OPCML: variants seen among roughly 807,000 people sequenced by gnomAD.
The protein encoded by OPCML is opioid-binding protein/cell adhesion molecule.
Under a neutral mutation model 37.8 loss-of-function variants are expected in OPCML, and 13 were observed. The ratio of observed to expected loss-of-function variants is 0.34; its 90% CI spans 0.22 to 0.55. OPCML has a LOEUF of 0.55. Ranked by LOEUF, OPCML falls within the 20% of genes least tolerant of loss-of-function variation. The pLI is 0.91. For missense variants in OPCML, 341 were observed against 435.6 expected (o/e 0.78, Z 1.93); for synonymous variants, 176 against 168.8 (o/e 1.04, Z -0.33).
intron 2 of OPCML, among the ~76,000 whole-genome samples, chr11:132,845,017 T>C (rs868789991): frequency 1.3e-5 from 2 of 152,026 alleles, no homozygotes; most frequent in Non-Finnish European, 2.9e-5. Flanking sequence ...CATAACTGTA[T>C]GGATAGCAAA....
chr11:132,776,563 G>A (rs11223197), intron 2 of OPCML, among the ~76,000 whole-genome samples: 3 of 151,820 alleles, frequency 2.0e-5, no homozygotes, highest in Non-Finnish European at 2.9e-5. Flanking sequence ...AAAGAATGTA[G>A]CACTTCCCCC....
intron 1 of OPCML, among the ~76,000 whole-genome samples, chr11:133,140,883 CGACGACGACGAA>C (rs1565468334): frequency 2.3e-3 from 19 of 8,304 alleles, no homozygotes; most frequent in East Asian, 0.017. Flanking sequence ...AAGAAGACGA[CGACGACGACGAA>C]GACGACGACG....
chr11:132,900,391 T>A (rs1222172419), intron 2 of OPCML, among the ~76,000 whole-genome samples: 1 of 152,110 alleles, frequency 6.6e-6, no homozygotes, highest in Non-Finnish European at 1.5e-5. Context: ...TTTCCACCCA[T>A]CACTGTAGCC....
chr11:132,514,450 C>A (rs1047233921), intron 4 of OPCML, among the ~76,000 whole-genome samples: 1 of 152,048 alleles, frequency 6.6e-6, no homozygotes, highest in Admixed American at 6.6e-5. Flanking sequence ...TTTGAGATAG[C>A]AACACTAGGG....
At chr11:132,681,313 C>G (rs1018751957) in intron 2 of OPCML, among the ~76,000 whole-genome samples, 6 of 152,200 alleles carry the variant, frequency 3.9e-5, no homozygotes, top group Admixed American at 1.3e-4. Context: ...CTGCCCTGCC[C>G]CCTGTCCTGT....
At chr11:133,158,603 G>A (rs1246147835) in intron 1 of OPCML, among the ~76,000 whole-genome samples, 16 of 151,938 alleles carry the variant, frequency 1.1e-4, no homozygotes, top group Admixed American at 1.0e-3. Context: ...AGGAGGCTGA[G>A]GCAGGAGAAT....
intron 1 of OPCML, among the ~76,000 whole-genome samples, chr11:133,284,050 G>A (rs1490854597): frequency 6.6e-6 from 1 of 152,126 alleles, no homozygotes. Flanking sequence ...GAGAATCACT[G>A]GAAATATTAA....
intron 4 of OPCML, among the ~76,000 whole-genome samples, chr11:132,466,650 C>G (rs2096121060): frequency 6.6e-6 from 1 of 152,204 alleles, no homozygotes; most frequent in East Asian, 1.9e-4. Flanking sequence ...TCCTTGATGT[C>G]TCTGAGCACA....
At chr11:133,298,104 A>C (rs1942674110) in intron 1 of OPCML, 1 of 151,780 alleles carries the variant, frequency 6.6e-6, no homozygotes, top group Non-Finnish European at 1.5e-5. Context: ...CTTCTTTATA[A>C]GCAACATAGG....
intron 2 of OPCML, among the ~76,000 whole-genome samples, chr11:132,735,555 T>C (rs1945227096): frequency 6.6e-6 from 1 of 152,100 alleles, no homozygotes; most frequent in Non-Finnish European, 1.5e-5. Flanking sequence ...GGTGCAATCT[T>C]GGCTCACTGC....
intron 1 of OPCML, among the ~76,000 whole-genome samples, chr11:133,178,299 C>T (rs574909260): frequency 8.5e-5 from 13 of 152,204 alleles, no homozygotes; most frequent in South Asian, 4.2e-4. Context: ...ACTGTGTGTG[C>T]GTTCCTCAGA....
intron 1 of OPCML, among the ~76,000 whole-genome samples, chr11:133,123,163 A>G (rs1949447183): frequency 6.6e-6 from 1 of 152,212 alleles, no homozygotes. Flanking sequence ...CTCCTATGAC[A>G]TCATGCAGTA....
At chr11:133,195,682 T>C (rs998136878) in intron 1 of OPCML, among the ~76,000 whole-genome samples, 2 of 152,182 alleles carry the variant, frequency 1.3e-5, no homozygotes, top group African/African-American at 4.8e-5. Context: ...AAAAGTCACA[T>C]TTACTTCTAC....
intron 4 of OPCML, among the ~76,000 whole-genome samples, chr11:132,487,634 C>A (rs947036987): frequency 1.3e-5 from 2 of 152,134 alleles, no homozygotes; most frequent in African/African-American, 4.8e-5. Context: ...GACACTTTCC[C>A]GTTAGGACCC....
At chr11:132,946,866 C>T (rs1421317707) in intron 1 of OPCML, among the ~76,000 whole-genome samples, 2 of 152,202 alleles carry the variant, frequency 1.3e-5, no homozygotes, top group Non-Finnish European at 2.9e-5. Flanking sequence ...TGACATTGTA[C>T]TTCAACCTCT....
intron 2 of OPCML, among the ~76,000 whole-genome samples, chr11:132,812,099 C>A (rs1421197632): frequency 6.6e-6 from 1 of 152,260 alleles, no homozygotes; most frequent in East Asian, 1.9e-4. Context: ...CCAGCTTCTT[C>A]AGGGGTCCTT....
At chr11:133,023,203 T>C (rs1471738528) in intron 1 of OPCML, among the ~76,000 whole-genome samples, 1 of 152,190 alleles carries the variant, frequency 6.6e-6, no homozygotes, top group Non-Finnish European at 1.5e-5. Flanking sequence ...TCAAAGGGCT[T>C]AGCCCCACTC....
intron 1 of OPCML, among the ~76,000 whole-genome samples, chr11:132,996,618 C>A (rs1453964896): frequency 4.8e-4 from 59 of 123,330 alleles, no homozygotes; most frequent in Admixed American, 8.3e-4. Context: ...GGCTCCATCT[C>A]AAAAAAAAAA....
Position 132,561,968 on chromosome 11 carries a change from G to C in OPCML, c.380-32782C>G, listed in dbSNP as rs192247991. ...CTTTGACAGAAGGAGAGTTACAAAA[G>C]AGCCATACTTGTATTAGACCGAACT... On this transcript the variant is annotated intron_variant, in intron 3 of 7. Coordinates refer to ENST00000524381, the MANE Select transcript of OPCML (RefSeq NM_001012393.5). Among the ~76,000 whole-genome samples the C allele has an allele frequency of 2.3e-3, 355 of 152,270 alleles. 3 individuals are homozygous for C. The highest frequency in any genetic ancestry group is 0.019 in the Admixed American group (296 of 15,292).
Sources: gnomAD v4.1 joint callset for allele counts (sites outside exome capture counted in the v4.1 genomes callset) on GRCh38, gnomAD v4.1.1 for gene constraint, MANE v1.5 for transcripts, NCBI Gene and HGNC (gene_info 2026-07-23, HGNC 2026-07-21) for gene names.